BCAS3: variants seen among roughly 807,000 people sequenced by gnomAD.
BCAS3 encodes the protein BCAS4/BCAS3 fusion.
A neutral mutation model predicts 116.1 loss-of-function variants in BCAS3; 53 were observed. That is an observed-to-expected ratio of 0.46 (90% CI 0.37 to 0.57). The LOEUF (loss-of-function observed/expected upper bound fraction) is 0.57, where lower values mean the gene tolerates loss of function less well. BCAS3 is among the 20% of genes least tolerant of loss of function. The pLI, the probability that BCAS3 is intolerant of heterozygous loss-of-function variation, is 0.00. For synonymous variants in BCAS3, 391 were observed against 408.2 expected, an observed-to-expected ratio of 0.96 and a Z score of 0.51; for missense variants, 917 against 1,165.4, an observed-to-expected ratio of 0.79 and a Z score of 3.10.
intron 5 of BCAS3, among the ~76,000 whole-genome samples, chr17:60,739,632 A>G (rs956693225): frequency 6.6e-6 from 1 of 152,068 alleles, no homozygotes; most frequent in Non-Finnish European, 1.5e-5. Flanking sequence ...AAAAAAAAGG[A>G]AAGAAAAATA....
chr17:60,932,742 C>CA (rs1167994825), intron 13 of BCAS3, among the ~76,000 whole-genome samples: 9,356 of 37,956 alleles, frequency 0.25, 1,740 homozygotes, highest in African/African-American at 0.26. Context: ...ACTCTTGTCT[C>CA]AAAAAAAAAA....
At chr17:61,109,930 A>T (rs1385246175) in intron 22 of BCAS3, among the ~76,000 whole-genome samples, 1 of 152,218 alleles carries the variant, frequency 6.6e-6, no homozygotes, top group Non-Finnish European at 1.5e-5. Context: ...GCTGTGCAGA[A>T]GCTTTTTAGT....
At chr17:60,991,085 A>G (rs956730888) in intron 15 of BCAS3, among the ~76,000 whole-genome samples, 3 of 152,222 alleles carry the variant, frequency 2.0e-5, no homozygotes, top group Non-Finnish European at 4.4e-5. Flanking sequence ...TACCTTCTCC[A>G]TAACATTAAA....
intron 6 of BCAS3, among the ~76,000 whole-genome samples, chr17:60,755,451 G>A (rs1433413688): frequency 6.6e-6 from 1 of 152,056 alleles, no homozygotes; most frequent in East Asian, 1.9e-4. Context: ...ACTGAAACTT[G>A]TAATATCAAT....
chr17:60,852,030 G>A (rs1252076498), intron 7 of BCAS3, among the ~76,000 whole-genome samples: 3 of 152,080 alleles, frequency 2.0e-5, no homozygotes, highest in Non-Finnish European at 4.4e-5. Context: ...TTCATAGATG[G>A]GGGATAGTTT....
rs570021618 is a variant in BCAS3 at position 61,302,317 on chromosome 17, G to A, written c.2426-66010G>A. On this transcript the variant is annotated intron_variant, in intron 22 of 23. Transcript: ENST00000407086. The surrounding 1 kb of genome is among the most constrained non-coding windows in gnomAD (Gnocchi z 4.4). The stretch of plus-strand genomic sequence containing the variant: ...CTATGATGTCTTATTCTCCAGAGAC[G>A]ACTTCAAGTATTCAGCAATAACTCA... Among the ~76,000 whole-genome samples, 47 of 152,256 alleles carry A rather than the reference G, an allele frequency of 3.1e-4. No homozygotes were observed. The highest frequency in any genetic ancestry group is 1.9e-3 in the South Asian group (9 of 4,818).
At chr17:60,978,080 G>C (rs376945784) in intron 14 of BCAS3, among the ~76,000 whole-genome samples, 2,459 of 123,270 alleles carry the variant, frequency 0.02, 67 homozygotes, top group African/African-American at 0.096. Context: ...TCGCCACACT[G>C]ACTTCCACAA....
At chr17:61,146,554 C>T (rs897187790) in intron 22 of BCAS3, among the ~76,000 whole-genome samples, 2 of 152,118 alleles carry the variant, frequency 1.3e-5, no homozygotes, top group Non-Finnish European at 2.9e-5. Flanking sequence ...CTAAAACAAC[C>T]TAATCAAATT....
At chr17:60,917,578 A>G (rs1276663210) in intron 12 of BCAS3, among the ~76,000 whole-genome samples, 2 of 151,244 alleles carry the variant, frequency 1.3e-5, no homozygotes. Context: ...CATTTGGCTT[A>G]CTTCTACCTT....
intron 3 of BCAS3, among the ~76,000 whole-genome samples, chr17:60,686,568 C>T (rs927343213): frequency 6.6e-6 from 1 of 151,932 alleles, no homozygotes; most frequent in African/African-American, 2.4e-5. Context: ...TCTTGTCGCC[C>T]AGGCTGGAGT....
rs1282512344 is a variant in BCAS3, at chr17:61,220,409, AT to A, written c.2425+135849del. 2.0e-5 allele frequency among the ~76,000 whole-genome samples: 3 copies of A among 152,236 alleles called. No individual in the cohort carries two copies. Among genetic ancestry groups the A allele is most frequent in the African/African-American group, 7.2e-5 (3 of 41,464 alleles). ...ATTTTCTATTTAATAGCTTGCCCAC[AT>A]TTTAGAGTTTACAGTTAATTAATGC... On this transcript the variant is annotated intron_variant, in intron 22 of 23. Coordinates refer to ENST00000407086, the MANE Select transcript of BCAS3 (RefSeq NM_017679.5). The surrounding 1 kb of genome is among the most constrained non-coding windows in gnomAD (Gnocchi z 4.5).
In BCAS3 at chr17:61,095,933, T is replaced by A. The variant is rs917822054; in HGVS notation, c.2425+11369T>A. ...AATTCAGATGAGATTGGATTGGGAT[T>A]TCATTGAATCTGTATATCAAATTTG... On this transcript the variant is annotated intron_variant, in intron 22 of 23. Coordinates refer to ENST00000407086, the MANE Select transcript of BCAS3 (RefSeq NM_017679.5). The surrounding 1 kb of genome is among the most constrained non-coding windows in gnomAD (Gnocchi z 4.7). Among the ~76,000 whole-genome samples the A allele has an allele frequency of 6.6e-6, 1 of 152,148 alleles. No individual in the cohort carries two copies. The highest frequency in any genetic ancestry group is 1.5e-5 in the Non-Finnish European group (1 of 68,034).
At position 61,339,563 on chromosome 17, in the gene BCAS3, C is replaced by T. The variant is rs1602835166; in HGVS notation, c.2426-28764C>T. ...AGCAGATCACCTGAGGTCAGGAGTT[C>T]GAGACCAGCCTAGCCAACATGGTGA... On this transcript the variant is annotated intron_variant, in intron 22 of 23. Coordinates refer to ENST00000407086, the MANE Select transcript of BCAS3 (RefSeq NM_017679.5). The surrounding 1 kb of genome is among the most constrained non-coding windows in gnomAD (Gnocchi z 4.4). 6.6e-6 allele frequency among the ~76,000 whole-genome samples: 1 copy of T among 152,052 alleles called. No homozygotes were observed. Among genetic ancestry groups the T allele is most frequent in the Non-Finnish European group, 1.5e-5 (1 of 68,014 alleles).
chr17:60,952,563 A>C (rs2060903735), intron 14 of BCAS3, among the ~76,000 whole-genome samples: 1 of 152,108 alleles, frequency 6.6e-6, no homozygotes, highest in South Asian at 2.1e-4. Flanking sequence ...CAGGTGATCC[A>C]CCCATCTTGG....
At chr17:60,978,847 G>C (rs1451384293) in intron 14 of BCAS3, among the ~76,000 whole-genome samples, 11 of 141,584 alleles carry the variant, frequency 7.8e-5, no homozygotes, top group African/African-American at 2.4e-4. Flanking sequence ...GCTCTGTTCT[G>C]TTCCATTGAT....
chr17:60,939,989 A>G (rs2060139014), intron 13 of BCAS3, among the ~76,000 whole-genome samples: 1 of 152,224 alleles, frequency 6.6e-6, no homozygotes, highest in Admixed American at 6.5e-5. Flanking sequence ...ACTCACTGGA[A>G]ATGACCAGAG....
chr17:61,087,150 C>T lies in BCAS3; in HGVS notation c.2425+2586C>T, dbSNP rs1184317617. Reference sequence around the variant, plus strand: ...ATAATTGCTCTTGAACCGGGAAGTGCACCTCTGATTATGATCCATGCATTG... The same window carrying T: ...ATAATTGCTCTTGAACCGGGAAGTGTACCTCTGATTATGATCCATGCATTG... On this transcript the variant is annotated intron_variant, in intron 22 of 23. Transcript: ENST00000407086. This position sits in a 1 kb window ranked among gnomAD's most constrained non-coding sequence, Gnocchi z 4.6. The T allele has an allele frequency of 6.1e-6, 6 of 985,268 alleles. No individual in the cohort carries two copies. Among genetic ancestry groups the T allele is most frequent in the African/African-American group, 1.7e-5 (1 of 57,222 alleles). 61.0% of individuals were successfully genotyped at this position (985,268 alleles called of 1,614,324 possible).
At chr17:61,064,095 C>G (rs1007040215) in intron 19 of BCAS3, among the ~76,000 whole-genome samples, 1 of 152,118 alleles carries the variant, frequency 6.6e-6, no homozygotes, top group Admixed American at 6.5e-5. Flanking sequence ...TTTGACCTTG[C>G]AAGTGCTTTG....
At chr17:61,138,102 C>T (rs2076740722) in intron 22 of BCAS3, among the ~76,000 whole-genome samples, 1 of 152,202 alleles carries the variant, frequency 6.6e-6, no homozygotes, top group Non-Finnish European at 1.5e-5. Flanking sequence ...GTAAAACTTT[C>T]TGTGATAATG....
Sources: allele counts gnomAD v4.1 joint callset (sites outside exome capture counted in the v4.1 genomes callset), GRCh38; gene constraint gnomAD v4.1.1; non-coding constraint Gnocchi (gnomAD v3.1); transcripts MANE v1.5; gene names NCBI Gene and HGNC (gene_info 2026-07-23, HGNC 2026-07-21).